BBS7: variants seen among roughly 807,000 people sequenced by gnomAD.
The protein encoded by BBS7 is BBSome complex member BBS7.
Under a neutral mutation model 90.3 loss-of-function variants are expected in BBS7, and 50 were observed. That is an observed-to-expected ratio of 0.55 (90% CI 0.44 to 0.70). The LOEUF is 0.70. Ranked by LOEUF, BBS7 falls within the 30% of genes least tolerant of loss-of-function variation. The probability of loss-of-function intolerance (pLI) is 0.00; values close to 1 mark genes in which losing one functional copy is unlikely to be tolerated. For synonymous variants in BBS7, 235 were observed against 287.4 expected (o/e 0.82, Z 1.85); for missense variants, 729 against 838.9 (o/e 0.87, Z 1.62).
chr4:121,858,013 C>A (rs887692884), intron 5 of BBS7, among the ~76,000 whole-genome samples: 1 of 152,050 alleles, frequency 6.6e-6, no homozygotes, highest in Admixed American at 6.6e-5. Flanking sequence ...ACCATGTTGG[C>A]CAGGCTGGTC....
At chr4:121,845,439 G>A (rs1481656758) in intron 11 of BBS7, 65 bp downstream of exon 11, 4 of 1,069,496 alleles carry the variant, frequency 3.7e-6, no homozygotes, top group Non-Finnish European at 5.7e-6. Context: ...ATAATAATTA[G>A]TACATATGAC....
chr4:121,861,514 T>G lies in BBS7; in HGVS notation c.331A>C (p.Ile111Leu). ...GAACAAAAGACATACATAGCTTTAA[T>G]GCTTTCAGTGAGGTTTGTTTCAAAG... is the stretch of plus-strand genomic sequence containing the variant. ...LSFETNLTES[I>L]KAMHISGSDL... Residue 111 changes from isoleucine to leucine, a missense_variant, in exon 4 of 19, where the codon ATT (isoleucine) becomes CTT (leucine). Transcript: ENST00000264499. 1 of 1,612,986 alleles carries G rather than the reference T, an allele frequency of 6.2e-7. No homozygotes were observed. Among genetic ancestry groups the G allele is most frequent in the East Asian group, 2.2e-5 (1 of 44,852 alleles).
Position 121,863,025 on chromosome 4 carries a change from G to A in BBS7, c.165+192C>T, listed in dbSNP as rs187052858. On this transcript the variant is annotated intron_variant, in intron 3 of 18. Coordinates refer to ENST00000264499, the MANE Select transcript of BBS7 (RefSeq NM_176824.3). ...GAAAAGTAACCCACGACCACAGGAT[G>A]CCAAAGGTGCCTTACAACTAGCTAG... Among the ~76,000 whole-genome samples the A allele has an allele frequency of 4.9e-4, 74 of 152,288 alleles. 1 individual carries two copies. The East Asian group carries it at 0.012, about 25-fold the overall frequency.
chr4:121,835,366 G>A (rs1725403568), intron 13 of BBS7, 83 bp from the exon 14 acceptor site: 1 of 1,523,752 alleles, frequency 6.6e-7, no homozygotes, highest in Non-Finnish European at 9.0e-7. Context: ...AAGTTATCAA[G>A]TACTTAAAAT....
chr4:121,855,899 T>G (rs1315812386), intron 5 of BBS7, among the ~76,000 whole-genome samples: 5 of 142,388 alleles, frequency 3.5e-5, no homozygotes, highest in Non-Finnish European at 7.6e-5. Flanking sequence ...CATACATGTA[T>G]GTGTATATAT....
intron 8 of BBS7, among the ~76,000 whole-genome samples, chr4:121,849,595 G>T (rs186043559): frequency 6.6e-6 from 1 of 152,152 alleles, no homozygotes; most frequent in Non-Finnish European, 1.5e-5. Flanking sequence ...TTGGGAAGCC[G>T]AGGTGGGCGG....
At chr4:121,835,972 T>C (rs540664328) in intron 13 of BBS7, among the ~76,000 whole-genome samples, 2 of 152,200 alleles carry the variant, frequency 1.3e-5, no homozygotes, top group Non-Finnish European at 2.9e-5. Context: ...TACGTACATG[T>C]ACAAAAAAAG....
At chr4:121,854,222 G>A (rs1232082492) in intron 7 of BBS7, among the ~76,000 whole-genome samples, 1 of 152,096 alleles carries the variant, frequency 6.6e-6, no homozygotes, top group Admixed American at 6.6e-5. Flanking sequence ...ATAAGTATTT[G>A]TTGAAGGAAT....
chr4:121,840,255 G>T (rs549385800), intron 12 of BBS7, among the ~76,000 whole-genome samples: 13 of 152,252 alleles, frequency 8.5e-5, no homozygotes, highest in African/African-American at 2.4e-4. Context: ...CTTGTCTGCC[G>T]CCATGTGAGA....
rs774661763 is a variant in BBS7 at position 121,867,951 on chromosome 4, A to G, written c.102+30T>C. On this transcript the variant is annotated intron_variant, in intron 2 of 18. Coordinates refer to ENST00000264499, the MANE Select transcript of BBS7 (RefSeq NM_176824.3). ...GCCTCTCCTCTGTCACTGCTAGGGA[A>G]TAGTGGAGAAATCAGAATCTATACA... 7 of 1,562,912 alleles carry G rather than the reference A, an allele frequency of 4.5e-6. No homozygotes were observed. In the African/African-American group the frequency reaches 6.8e-5, roughly 15 times the overall value.
intron 5 of BBS7, among the ~76,000 whole-genome samples, chr4:121,857,934 G>A (rs921120419): frequency 1.3e-5 from 2 of 151,508 alleles, no homozygotes; most frequent in Non-Finnish European, 2.9e-5. Context: ...AGCCTCCTGA[G>A]TAACTGGGAT....
At chr4:121,836,361 T>C (rs190845233) in intron 13 of BBS7, among the ~76,000 whole-genome samples, 163 of 152,310 alleles carry the variant, frequency 1.1e-3, no homozygotes, top group African/African-American at 2.7e-3. Flanking sequence ...ATCCCACTTA[T>C]GCCTCCTCAT....
At chr4:121,858,885 T>C in intron 5 of BBS7, 107 bp downstream of exon 5, 1 of 1,058,490 alleles carries the variant, frequency 9.4e-7, no homozygotes, top group East Asian at 2.6e-5. Flanking sequence ...TCCACATGTT[T>C]ATAAAAGCCC....
rs557107997 is a variant in BBS7, at chr4:121,868,288, T to C, written c.37-242A>G. On this transcript the variant is annotated intron_variant, in intron 1 of 18. Transcript: ENST00000264499. ...TAGTTGTGTAAGATGACTGGCAAGA[T>C]GCTTTACTAAAAAATATCTCTAGAA... Among the ~76,000 whole-genome samples the C allele has an allele frequency of 7.2e-5, 11 of 152,330 alleles. No homozygotes were observed. In the South Asian group the frequency reaches 2.3e-3, roughly 32 times the overall value.
chr4:121,848,811 CTT>C (rs774256516), intron 9 of BBS7, 31 bp downstream of exon 9: 1 of 1,450,574 alleles, frequency 6.9e-7, no homozygotes, highest in Non-Finnish European at 9.2e-7. Flanking sequence ...GTTGTTGACT[CTT>C]TCTTCAATTA....
At chr4:121,845,376 A>G in intron 11 of BBS7, 128 bp downstream of exon 11, 1 of 525,848 alleles carries the variant, frequency 1.9e-6, no homozygotes, top group Non-Finnish European at 3.0e-6. Flanking sequence ...TCAAAAAAAT[A>G]AAAATAAAAA....
At chr4:121,850,076 A>T (rs1726234440) in intron 8 of BBS7, among the ~76,000 whole-genome samples, 1 of 152,078 alleles carries the variant, frequency 6.6e-6, no homozygotes, top group Non-Finnish European at 1.5e-5. Flanking sequence ...AACTTGTCTG[A>T]CAACCACTTA....
At chr4:121,832,390 G>A (rs1284661828) in intron 15 of BBS7, among the ~76,000 whole-genome samples, 3 of 152,068 alleles carry the variant, frequency 2.0e-5, no homozygotes, top group African/African-American at 7.2e-5. Flanking sequence ...CTACAGATGT[G>A]AGAATGAGAA....
At chr4:121,861,763 T>C in intron 3 of BBS7, 84 bp from the exon 4 acceptor site, 7 of 1,392,042 alleles carry the variant, frequency 5.0e-6, no homozygotes, top group Non-Finnish European at 6.0e-6. Context: ...TGTTATGATG[T>C]TAAATTTGCA....
Sources: gnomAD v4.1 joint callset for allele counts (sites outside exome capture counted in the v4.1 genomes callset) on GRCh38, gnomAD v4.1.1 for gene constraint, MANE v1.5 for transcripts, NCBI Gene and HGNC (gene_info 2026-07-23, HGNC 2026-07-21) for gene names.